The following CSRNP3 variants were observed in gnomAD, a reference collection of about 807,000 sequenced individuals.
CSRNP3 encodes the protein cysteine and serine rich nuclear protein 3.
CSRNP3 carries 12 observed loss-of-function variants against 48.0 expected under a neutral mutation model. The ratio of observed to expected loss-of-function variants is 0.25; its 90% CI spans 0.16 to 0.41. The LOEUF is 0.41. CSRNP3 is among the 10% of genes least tolerant of loss of function. CSRNP3 has a pLI of 1.00. For synonymous variants in CSRNP3, 263 were observed against 269.7 expected (o/e 0.98, Z 0.24); for missense variants, 580 against 724.4 (o/e 0.80, Z 2.29).
rs368955445 is a variant in CSRNP3, at chr2:165,635,059, G to A, written c.149-22702G>A. On this transcript the variant is annotated intron_variant, in intron 4 of 6. Transcript: ENST00000651982. ...TGGGGAGGAGCCAGCCTGGAGCTCC[G>A]GGCTTGGTGTTCTCAGCTGAGGGAG... Among the ~76,000 whole-genome samples, 14 of 152,224 alleles carry A rather than the reference G, an allele frequency of 9.2e-5. No homozygotes were observed. The East Asian group carries it at 1.9e-3, about 21-fold the overall frequency.
intron 6 of CSRNP3, among the ~76,000 whole-genome samples, chr2:165,678,191 G>A (rs980778097): frequency 1.3e-5 from 2 of 152,186 alleles, no homozygotes; most frequent in African/African-American, 4.8e-5. Flanking sequence ...AAAGGGAAAA[G>A]CACCTTTATA....
chr2:165,521,880 C>T (rs183478758), intron 3 of CSRNP3, among the ~76,000 whole-genome samples: 12 of 152,254 alleles, frequency 7.9e-5, no homozygotes, highest in Non-Finnish European at 1.3e-4. Flanking sequence ...AAAATTAGCC[C>T]AGATAGAGAA....
chr2:165,583,787 G>C (rs1369590846), intron 3 of CSRNP3, among the ~76,000 whole-genome samples: 1 of 152,028 alleles, frequency 6.6e-6, no homozygotes, highest in Admixed American at 6.6e-5. Flanking sequence ...TTAAACGTTG[G>C]GAACAAATAA....
At chr2:165,478,349 T>G (rs1182965319) in intron 1 of CSRNP3, among the ~76,000 whole-genome samples, 1 of 152,204 alleles carries the variant, frequency 6.6e-6, no homozygotes, top group East Asian at 1.9e-4. Flanking sequence ...TCATTCTTCA[T>G]CAGAGTAATA....
In CSRNP3 at chr2:165,679,543, T is replaced by C; in HGVS notation, c.1548T>C (p.Asn516=). The C allele has an allele frequency of 6.2e-7, 1 of 1,613,838 alleles. No homozygotes were observed. The highest frequency in any genetic ancestry group is 1.3e-5 in the African/African-American group (1 of 74,982). Residue 516 remains asparagine (N), a synonymous_variant, in exon 7 of 7, where the codon AAT becomes AAC. Coordinates refer to ENST00000651982, the MANE Select transcript of CSRNP3 (RefSeq NM_001172173.2). ...SSENDSGVPC[N]SLYPEHRSNH... ...AAAATGATAGCGGTGTGCCCTGCAATAGTTTATATCCTGAACACAGGTCCA... is the reference window on the plus strand; with the variant it reads ...AAAATGATAGCGGTGTGCCCTGCAACAGTTTATATCCTGAACACAGGTCCA...
At chr2:165,499,852 A>G (rs1168486372) in intron 2 of CSRNP3, among the ~76,000 whole-genome samples, 11 of 152,146 alleles carry the variant, frequency 7.2e-5, no homozygotes, top group African/African-American at 1.7e-4. Flanking sequence ...TAAAATTACA[A>G]TGGACTCTCG....
intron 5 of CSRNP3, among the ~76,000 whole-genome samples, chr2:165,672,748 T>C (rs1483973743): frequency 2.0e-5 from 3 of 152,194 alleles, no homozygotes; most frequent in Non-Finnish European, 4.4e-5. Flanking sequence ...CATTGACTTT[T>C]TCCCCTAAAA....
At chr2:165,540,884 G>A (rs968632544) in intron 3 of CSRNP3, among the ~76,000 whole-genome samples, 6 of 151,918 alleles carry the variant, frequency 3.9e-5, no homozygotes, top group Non-Finnish European at 5.9e-5. Flanking sequence ...TAGTTTCTGG[G>A]TAATTTGTGT....
At chr2:165,522,970 C>T (rs1346220441) in intron 3 of CSRNP3, among the ~76,000 whole-genome samples, 1 of 152,186 alleles carries the variant, frequency 6.6e-6, no homozygotes, top group Admixed American at 6.5e-5. Context: ...TTCATTCTGA[C>T]TGTGGTCGGC....
In CSRNP3 at chr2:165,644,096, A is replaced by G. The variant is rs535290353; in HGVS notation, c.149-13665A>G. On this transcript the variant is annotated intron_variant, in intron 4 of 6. Transcript: ENST00000651982. ...ATATTCAGGTAACTCTTCCCCCACCAGCTACTTGCTTTTTAGAGATGAGTT... is the reference window on the plus strand; with the variant it reads ...ATATTCAGGTAACTCTTCCCCCACCGGCTACTTGCTTTTTAGAGATGAGTT... Among the ~76,000 whole-genome samples the G allele has an allele frequency of 7.2e-5, 11 of 152,248 alleles. No individual in the cohort carries two copies. In the South Asian group the frequency reaches 2.3e-3, roughly 32 times the overall value.
chr2:165,669,042 T>C (rs567975549), intron 5 of CSRNP3, among the ~76,000 whole-genome samples: 24 of 152,354 alleles, frequency 1.6e-4, no homozygotes, highest in Admixed American at 6.5e-4. Flanking sequence ...TTAGGTGAGA[T>C]AATTTATATA....
At chr2:165,510,389 G>A (rs1425912650) in intron 2 of CSRNP3, among the ~76,000 whole-genome samples, 1 of 151,756 alleles carries the variant, frequency 6.6e-6, no homozygotes, top group Non-Finnish European at 1.5e-5. Context: ...TTTTTCTTGG[G>A]ATTATAATAT....
chr2:165,518,417 G>A (rs981287515), intron 3 of CSRNP3, among the ~76,000 whole-genome samples: 1 of 151,742 alleles, frequency 6.6e-6, no homozygotes, highest in African/African-American at 2.4e-5. Flanking sequence ...TTTAACTACA[G>A]CCAAATAAAT....
At chr2:165,493,913 A>AT (rs1194208895) in intron 1 of CSRNP3, among the ~76,000 whole-genome samples, 1 of 152,102 alleles carries the variant, frequency 6.6e-6, no homozygotes, top group African/African-American at 2.4e-5. Flanking sequence ...CAGTGTAGGA[A>AT]TTTTTGTTTG....
At chr2:165,494,703 C>G (rs962669045) in intron 1 of CSRNP3, 56 bp from the exon 2 acceptor site, 2 of 161,278 alleles carry the variant, frequency 1.2e-5, no homozygotes, top group Admixed American at 1.3e-4. Context: ...GAGACTTTGA[C>G]TATGCAATCA....
At chr2:165,663,624 GTTTC>G (rs1479243791) in intron 5 of CSRNP3, among the ~76,000 whole-genome samples, 1 of 152,148 alleles carries the variant, frequency 6.6e-6, no homozygotes, top group Admixed American at 6.5e-5. Flanking sequence ...CAAATCTTTA[GTTTC>G]TTTCTCTGCA....
At position 165,642,047 on chromosome 2, in the gene CSRNP3, T is replaced by C. The variant is rs190317990; in HGVS notation, c.149-15714T>C. On this transcript the variant is annotated intron_variant, in intron 4 of 6. Coordinates refer to ENST00000651982, the MANE Select transcript of CSRNP3 (RefSeq NM_001172173.2). ...GAGTAGCACAGATAAAAGACAAACA[T>C]AGACTCTTTGGGATGTTTCTATGCA... 4.0e-4 allele frequency among the ~76,000 whole-genome samples: 60 copies of C among 151,350 alleles called. No individual in the cohort carries two copies. The East Asian group carries it at 0.011, about 29-fold the overall frequency.
intron 4 of CSRNP3, among the ~76,000 whole-genome samples, chr2:165,655,020 A>G (rs1053754176): frequency 6.6e-6 from 1 of 152,252 alleles, no homozygotes; most frequent in Admixed American, 6.5e-5. Flanking sequence ...AAACAAATCC[A>G]TAACATGATA....
intron 1 of CSRNP3, among the ~76,000 whole-genome samples, chr2:165,477,483 A>AATATATATATATAT (rs200408228): frequency 4.6e-5 from 6 of 129,660 alleles, no homozygotes; most frequent in Non-Finnish European, 6.6e-5. Flanking sequence ...ATATATATGA[A>AATATATATATATAT]ATATATATAT....
Sources: allele counts gnomAD v4.1 joint callset (sites outside exome capture counted in the v4.1 genomes callset), GRCh38; gene constraint gnomAD v4.1.1; transcripts MANE v1.5; gene names NCBI Gene and HGNC (gene_info 2026-07-23, HGNC 2026-07-21).